Variants in GRIK3 observed in about 807,000 individuals in gnomAD.
GRIK3 encodes glutamate receptor ionotropic, kainate 3.
A neutral mutation model predicts 102.5 loss-of-function variants in GRIK3; 29 were observed. The observed-to-expected ratio is 0.28, with a 90% CI of 0.21 to 0.39. GRIK3 has a LOEUF of 0.39. Ranked by LOEUF, GRIK3 falls within the 10% of genes least tolerant of loss-of-function variation. The pLI is 1.00. For synonymous variants in GRIK3, 511 were observed against 504.9 expected, an observed-to-expected ratio of 1.01 and a Z score of -0.16; for missense variants, 908 against 1,252.4, an observed-to-expected ratio of 0.73 and a Z score of 4.15.
chr1:36,823,207 C>T (rs1642714755), intron 11 of GRIK3, among the ~76,000 whole-genome samples: 1 of 152,166 alleles, frequency 6.6e-6, no homozygotes, highest in Non-Finnish European at 1.5e-5. Flanking sequence ...GGCGTGATGG[C>T]TCACGCCTGT....
intron 1 of GRIK3, among the ~76,000 whole-genome samples, chr1:36,961,569 T>C (rs929140161): frequency 1.3e-5 from 2 of 152,168 alleles, no homozygotes; most frequent in African/African-American, 4.8e-5. Flanking sequence ...GGGGAGCCCC[T>C]TCCCTCCGAC....
intron 1 of GRIK3, among the ~76,000 whole-genome samples, chr1:36,896,807 G>T (rs931973407): frequency 6.6e-6 from 1 of 152,034 alleles, no homozygotes; most frequent in Middle Eastern, 3.4e-3. Flanking sequence ...AAAAGTAAAT[G>T]AACAAATGAA....
intron 1 of GRIK3, among the ~76,000 whole-genome samples, chr1:36,985,051 G>A (rs907581171): frequency 1.3e-5 from 2 of 152,192 alleles, no homozygotes; most frequent in African/African-American, 2.4e-5. Flanking sequence ...CTGGGCACTG[G>A]CATTCAGAGC....
At chr1:36,948,785 C>T (rs1570815950) in intron 1 of GRIK3, among the ~76,000 whole-genome samples, 1 of 152,244 alleles carries the variant, frequency 6.6e-6, no homozygotes, top group East Asian at 1.9e-4. Context: ...GCCTCCTTGT[C>T]TCCAGCCCTC....
chr1:36,996,859 C>T (rs1179315605), intron 1 of GRIK3, among the ~76,000 whole-genome samples: 4 of 152,206 alleles, frequency 2.6e-5, no homozygotes, highest in Non-Finnish European at 4.4e-5. Context: ...GGCTCTCAAT[C>T]GGGGATGATT....
At chr1:36,859,789 A>C in intron 6 of GRIK3, 55 bp downstream of exon 6, 2 of 1,358,182 alleles carry the variant, frequency 1.5e-6, no homozygotes, top group Non-Finnish European at 2.1e-6. Context: ...GGAGAGAAGA[A>C]AAGAAGGGAG....
chr1:37,022,110 G>A (rs1002801653), intron 1 of GRIK3, among the ~76,000 whole-genome samples: 1 of 152,230 alleles, frequency 6.6e-6, no homozygotes, highest in Admixed American at 6.5e-5. Context: ...TATACAGCCT[G>A]AATCTCCAGG....
intron 1 of GRIK3, among the ~76,000 whole-genome samples, chr1:36,896,821 T>A (rs1250062005): frequency 1.3e-5 from 2 of 152,060 alleles, no homozygotes; most frequent in Non-Finnish European, 2.9e-5. Flanking sequence ...AAATGAAAAA[T>A]TTATTCCTGG....
At chr1:36,954,003 G>A (rs944703773) in intron 1 of GRIK3, among the ~76,000 whole-genome samples, 1 of 152,192 alleles carries the variant, frequency 6.6e-6, no homozygotes, top group Admixed American at 6.5e-5. Flanking sequence ...TCCTTCCTTC[G>A]TGCCAGCTGA....
chr1:36,971,177 A>G (rs959724816), intron 1 of GRIK3, among the ~76,000 whole-genome samples: 8 of 152,188 alleles, frequency 5.3e-5, no homozygotes, highest in African/African-American at 1.9e-4. Flanking sequence ...GTCATAGAGC[A>G]CCTTCTCCAA....
intron 1 of GRIK3, among the ~76,000 whole-genome samples, chr1:36,895,449 G>T (rs1316284999): frequency 1.3e-5 from 2 of 152,040 alleles, no homozygotes; most frequent in African/African-American, 4.8e-5. Flanking sequence ...AAAAAGAAAT[G>T]TTAGAGATAA....
intron 3 of GRIK3, among the ~76,000 whole-genome samples, chr1:36,876,059 A>G (rs1640909856): frequency 6.6e-6 from 1 of 152,212 alleles, no homozygotes; most frequent in African/African-American, 2.4e-5. Context: ...CCTCTTTGAT[A>G]AGAGGCATGA....
chr1:36,873,894 G>T (rs1295345658), intron 3 of GRIK3, among the ~76,000 whole-genome samples: 1 of 152,176 alleles, frequency 6.6e-6, no homozygotes, highest in African/African-American at 2.4e-5. Flanking sequence ...GAGGTTGTAA[G>T]TCCAGGGTCC....
chr1:36,807,058 G>C (rs1417368899), intron 13 of GRIK3, among the ~76,000 whole-genome samples: 2 of 152,168 alleles, frequency 1.3e-5, no homozygotes, highest in Non-Finnish European at 2.9e-5. Flanking sequence ...GAATTGCAGA[G>C]GGGGAGAAAA....
intron 9 of GRIK3, among the ~76,000 whole-genome samples, chr1:36,846,284 C>A (rs1389797972): frequency 2.6e-5 from 4 of 152,104 alleles, no homozygotes; most frequent in Non-Finnish European, 5.9e-5. Flanking sequence ...CTCTGAGGGG[C>A]CAGAAAGGGC....
chr1:36,941,988 T>C (rs1641726029), intron 1 of GRIK3, among the ~76,000 whole-genome samples: 1 of 152,136 alleles, frequency 6.6e-6, no homozygotes, highest in East Asian at 1.9e-4. Context: ...CATGGCACTA[T>C]CGTTAGAGAA....
At chr1:36,835,824 G>A (rs1402274585) in intron 10 of GRIK3, among the ~76,000 whole-genome samples, 2 of 152,134 alleles carry the variant, frequency 1.3e-5, no homozygotes, top group East Asian at 3.9e-4. Flanking sequence ...CTCTTTCCAA[G>A]CCTTTCCCCA....
chr1:36,935,133 T>C (rs892017888), intron 1 of GRIK3, among the ~76,000 whole-genome samples: 1 of 152,196 alleles, frequency 6.6e-6, no homozygotes, highest in Non-Finnish European at 1.5e-5. Context: ...GCCCCTACCA[T>C]TTGTAAGTTT....
intron 1 of GRIK3, among the ~76,000 whole-genome samples, chr1:36,959,857 CT>C (rs1641981725): frequency 2.9e-5 from 3 of 103,880 alleles, no homozygotes; most frequent in African/African-American, 3.4e-5. Flanking sequence ...CCCTGTGAGC[CT>C]GTGTGCCCCA....
Sources: allele counts gnomAD v4.1 joint callset (sites outside exome capture counted in the v4.1 genomes callset), GRCh38; gene constraint gnomAD v4.1.1; transcripts MANE v1.5; gene names NCBI Gene and HGNC (gene_info 2026-07-23, HGNC 2026-07-21).